Variants in UBAC2 observed in about 807,000 individuals in gnomAD.
The protein encoded by UBAC2 is UBA domain containing 2, also known as ubiquitin-associated domain-containing protein 2.
Under a neutral mutation model 44.0 loss-of-function variants are expected in UBAC2, and 26 were observed. The ratio of observed to expected loss-of-function variants is 0.59; its 90% CI spans 0.43 to 0.82. UBAC2 has a LOEUF of 0.82. Among genes scored for constraint, UBAC2 ranks in the 40% least tolerant of loss-of-function variants. The pLI, the probability that UBAC2 is intolerant of heterozygous loss-of-function variation, is 0.00. For synonymous variants in UBAC2, 155 were observed against 154.3 expected (o/e 1.00, Z -0.04); for missense variants, 329 against 419.4 (o/e 0.78, Z 1.88).
intron 4 of UBAC2, among the ~76,000 whole-genome samples, chr13:99,259,879 C>T (rs574838388): frequency 3.3e-5 from 5 of 152,292 alleles, no homozygotes; most frequent in Middle Eastern, 3.4e-3. Context: ...GAATTCTTCA[C>T]GGTGCACAGG....
chr13:99,356,841 G>A (rs951163848), intron 7 of UBAC2, among the ~76,000 whole-genome samples: 1 of 152,176 alleles, frequency 6.6e-6, no homozygotes, highest in Non-Finnish European at 1.5e-5. Flanking sequence ...TGGGCCTCGC[G>A]TTGCCCCATC....
At chr13:99,223,163 A>C (rs1370044504) in intron 1 of UBAC2, among the ~76,000 whole-genome samples, 2 of 152,204 alleles carry the variant, frequency 1.3e-5, no homozygotes, top group African/African-American at 4.8e-5. Context: ...AAAAAAATTT[A>C]GTTGTGATAA....
At chr13:99,266,201 A>T (rs193195192) in intron 4 of UBAC2, among the ~76,000 whole-genome samples, 1 of 151,658 alleles carries the variant, frequency 6.6e-6, no homozygotes, top group Non-Finnish European at 1.5e-5. Context: ...GAATATTTCT[A>T]TATTATATTA....
intron 4 of UBAC2, among the ~76,000 whole-genome samples, chr13:99,259,402 T>G (rs1163701983): frequency 3.9e-5 from 6 of 152,016 alleles, no homozygotes; most frequent in Admixed American, 3.9e-4. Flanking sequence ...GAAAAGTTAC[T>G]TAAATCCTTG....
chr13:99,369,957 C>T (rs1262270193), intron 8 of UBAC2, among the ~76,000 whole-genome samples: 1 of 152,042 alleles, frequency 6.6e-6, no homozygotes, highest in Non-Finnish European at 1.5e-5. Context: ...TACGATGTTC[C>T]AGATTAAAGG....
intron 1 of UBAC2, among the ~76,000 whole-genome samples, chr13:99,237,381 A>G (rs148713997): frequency 2.1e-4 from 32 of 152,282 alleles, no homozygotes; most frequent in Non-Finnish European, 3.2e-4. Flanking sequence ...TGTAAGTGAA[A>G]TAAGAACAAA....
At chr13:99,237,654 T>G (rs559680329) in intron 1 of UBAC2, among the ~76,000 whole-genome samples, 2 of 152,222 alleles carry the variant, frequency 1.3e-5, no homozygotes, top group Non-Finnish European at 2.9e-5. Flanking sequence ...AAAAGAGAGA[T>G]ATTTAAGATA....
chr13:99,217,238 G>T (rs1408649722), intron 1 of UBAC2, among the ~76,000 whole-genome samples: 1 of 152,200 alleles, frequency 6.6e-6, no homozygotes, highest in Non-Finnish European at 1.5e-5. Flanking sequence ...TGTTGGCAGA[G>T]TCAGTCCCTC....
intron 4 of UBAC2, among the ~76,000 whole-genome samples, chr13:99,247,306 C>T (rs925996457): frequency 6.6e-6 from 1 of 151,776 alleles, no homozygotes; most frequent in African/African-American, 2.4e-5. Context: ...GCTCCGCCTC[C>T]CCGGTTCACG....
chr13:99,300,324 T>C (rs1224835355), intron 4 of UBAC2, among the ~76,000 whole-genome samples: 2 of 152,218 alleles, frequency 1.3e-5, no homozygotes, highest in Non-Finnish European at 2.9e-5. Flanking sequence ...TAAAGGTAAA[T>C]GCATGCTTTG....
intron 7 of UBAC2, among the ~76,000 whole-genome samples, chr13:99,362,507 A>G (rs1414318862): frequency 1.3e-5 from 2 of 152,204 alleles, no homozygotes; most frequent in Admixed American, 6.5e-5. Flanking sequence ...TTTCTTTCAC[A>G]TCATTCCCAC....
At chr13:99,244,392 T>G (rs2043355981) in intron 3 of UBAC2, 123 bp from the exon 4 acceptor site, 1 of 617,704 alleles carries the variant, frequency 1.6e-6, no homozygotes, top group Non-Finnish European at 2.8e-6. Flanking sequence ...CATATGCATG[T>G]GTGTATATAC....
chr13:99,247,303 C>T (rs1406559819), intron 4 of UBAC2, among the ~76,000 whole-genome samples: 2 of 151,784 alleles, frequency 1.3e-5, no homozygotes, highest in African/African-American at 2.4e-5. Context: ...CAAGCTCCGC[C>T]TCCCCGGTTC....
chr13:99,270,775 C>G (rs550002707), intron 4 of UBAC2, among the ~76,000 whole-genome samples: 93 of 152,252 alleles, frequency 6.1e-4, no homozygotes, highest in African/African-American at 2.2e-3. Context: ...ATATGCTAAT[C>G]TTTTATGGTA....
chr13:99,215,691 C>G (rs553361690), intron 1 of UBAC2: 15 of 1,501,122 alleles, frequency 1.0e-5, no homozygotes, highest in Middle Eastern at 2.1e-4. Flanking sequence ...CAAGCCGGCT[C>G]TCTGCGAGCG....
At chr13:99,338,047 C>CTTTTTCTTTTTTTTTTTTTTTTTTTTTT (rs2044821100) in intron 6 of UBAC2, among the ~76,000 whole-genome samples, 1 of 48,852 alleles carries the variant, frequency 2.0e-5, no homozygotes, top group African/African-American at 7.1e-5. Flanking sequence ...TTCTTTTTTT[C>CTTTTTCTTTTTTTTTTTTTTTTTTTTTT]TTTTTTTTTT....
At chr13:99,310,057 T>C (rs1384852776) in intron 4 of UBAC2, among the ~76,000 whole-genome samples, 1 of 152,258 alleles carries the variant, frequency 6.6e-6, no homozygotes, top group Non-Finnish European at 1.5e-5. Context: ...GAATTAGCAA[T>C]GGCTCACGCC....
At chr13:99,226,796 T>C (rs1380335531) in intron 1 of UBAC2, among the ~76,000 whole-genome samples, 1 of 152,184 alleles carries the variant, frequency 6.6e-6, no homozygotes, top group African/African-American at 2.4e-5. Flanking sequence ...TACTTGCTTT[T>C]TTTTCCTCCA....
At chr13:99,242,688 C>A (rs2043327565) in intron 2 of UBAC2, among the ~76,000 whole-genome samples, 1 of 96,752 alleles carries the variant, frequency 1.0e-5, no homozygotes, top group Non-Finnish European at 2.3e-5. Context: ...GGGGCTGACC[C>A]CCCCCACCTC....
Sources: gnomAD v4.1 joint callset for allele counts (sites outside exome capture counted in the v4.1 genomes callset) on GRCh38, gnomAD v4.1.1 for gene constraint, MANE v1.5 for transcripts, NCBI Gene and HGNC (gene_info 2026-07-23, HGNC 2026-07-21) for gene names.